UCHL5: variants seen among roughly 807,000 people sequenced by gnomAD.
UCHL5 encodes the protein ubiquitin carboxyl-terminal hydrolase isozyme L5.
In UCHL5, 34 loss-of-function variants were observed where a neutral mutation model predicts 53.8. That is an observed-to-expected ratio of 0.63 (90% confidence interval 0.48 to 0.84). UCHL5 has a LOEUF of 0.84. Among genes scored for constraint, UCHL5 ranks in the 40% least tolerant of loss-of-function variants. UCHL5 has a pLI of 0.00. For synonymous variants in UCHL5, 111 were observed against 126.3 expected (o/e 0.88, Z 0.81); for missense variants, 290 against 385.6 (o/e 0.75, Z 2.08).
intron 7 of UCHL5, among the ~76,000 whole-genome samples, chr1:193,024,504 A>T (rs1348076176): frequency 6.6e-6 from 1 of 150,504 alleles, no homozygotes; most frequent in Non-Finnish European, 1.5e-5. Context: ...GGTATTAACT[A>T]TGCTCCGTAT....
At chr1:193,033,717 T>C (rs1662358791) in intron 3 of UCHL5, among the ~76,000 whole-genome samples, 1 of 151,770 alleles carries the variant, frequency 6.6e-6, no homozygotes, top group African/African-American at 2.4e-5. Context: ...TAAAGAAAGA[T>C]ACACAGAAAA....
intron 3 of UCHL5, among the ~76,000 whole-genome samples, chr1:193,048,122 C>A (rs528934984): frequency 6.6e-6 from 1 of 152,184 alleles, no homozygotes; most frequent in South Asian, 2.1e-4. Context: ...AAATTGTTAG[C>A]TTTTTCCCTT....
intron 10 of UCHL5, among the ~76,000 whole-genome samples, chr1:193,019,473 A>G (rs1448648206): frequency 6.6e-6 from 1 of 151,724 alleles, no homozygotes. Context: ...TAGTTATTGC[A>G]TGTATATAAG....
At chr1:193,028,239 A>T in intron 6 of UCHL5, 91 bp from the exon 7 acceptor site, 1 of 1,111,802 alleles carries the variant, frequency 9.0e-7, no homozygotes, top group African/African-American at 1.6e-5. Flanking sequence ...ATTTTTTTAC[A>T]AATATTTTAA....
Position 193,023,935 on chromosome 1 carries a change from C to A in UCHL5, c.641G>T (p.Gly214Val), listed in dbSNP as rs751104681. The A allele has an allele frequency of 5.6e-6, 9 of 1,607,686 alleles. No homozygotes were observed. Among genetic ancestry groups the A allele is most frequent in the Admixed American group, 1.7e-5 (1 of 59,568 alleles). Residue 214 changes from glycine to valine, a missense_variant, in exon 8 of 11, where the codon GGT (glycine) becomes GTT (valine). By Grantham distance (109) the Gly-to-Val change is moderately radical. Transcript: ENST00000367454. ...GGCCATTAAATTAAATCGAATTTCA[C>A]CTTCACTGTACCTAGAAGAAAATTA... The part of the protein sequence containing the change: ...IEKRIQKYSE[G>V]EIRFNLMAIV...
chr1:193,019,306 A>T (rs1481540956), intron 10 of UCHL5, among the ~76,000 whole-genome samples: 3 of 151,700 alleles, frequency 2.0e-5, no homozygotes, highest in Non-Finnish European at 4.4e-5. Flanking sequence ...GAGTTGCTTA[A>T]GAGAAAATAA....
At chr1:193,022,451 G>A (rs1253322034) in intron 9 of UCHL5, among the ~76,000 whole-genome samples, 2 of 152,068 alleles carry the variant, frequency 1.3e-5, no homozygotes, top group South Asian at 4.1e-4. Flanking sequence ...CTTGAGGTCA[G>A]GAGTTCAAGA....
At chr1:193,022,770 C>T (rs1255555194) in intron 9 of UCHL5, among the ~76,000 whole-genome samples, 156 bp downstream of exon 9, 4 of 95,406 alleles carry the variant, frequency 4.2e-5, no homozygotes, top group Admixed American at 3.6e-4. Context: ...TGAAAGACAT[C>T]TCACTACTTA....
In UCHL5 at chr1:193,021,233, T is replaced by C. The variant is rs1018173442; in HGVS notation, c.844-38A>G. On this transcript the variant is annotated intron_variant, in intron 9 of 10. Transcript: ENST00000367454. ...CATCAATCCACACTAACTACATTTC[T>C]GCTAATTTTGATATTTTATTCTTTG... The C allele has an allele frequency of 3.0e-6, 4 of 1,335,596 alleles. No homozygotes were observed. In the African/African-American group the frequency reaches 4.3e-5, roughly 14 times the overall value. The allele number at this position is 1,335,596 out of a possible 1,614,324, so 82.7% of individuals were successfully genotyped here.
At chr1:193,058,241 A>T (rs145202414) in intron 1 of UCHL5, among the ~76,000 whole-genome samples, 14 of 152,232 alleles carry the variant, frequency 9.2e-5, no homozygotes, top group African/African-American at 3.1e-4. Flanking sequence ...AAAAAAAAGA[A>T]AATTTCCCAA....
intron 1 of UCHL5, among the ~76,000 whole-genome samples, chr1:193,055,272 C>T (rs1374652995): frequency 6.6e-6 from 1 of 152,092 alleles, no homozygotes; most frequent in Admixed American, 6.5e-5. Context: ...GATTTGCTGT[C>T]CAGGATAATA....
In UCHL5 at chr1:193,016,248, C is replaced by G; in HGVS notation, c.*103G>C. On this transcript the variant is annotated 3_prime_UTR_variant, in exon 11 of 11. Transcript: ENST00000367454. ...AAGACAGGCTGGCACTATTGCCAAA[C>G]GTGCACTGAGCCAATTAGGATGTTG... 1 of 1,342,576 alleles carries G rather than the reference C, an allele frequency of 7.4e-7. No individual in the cohort carries two copies. Among genetic ancestry groups the G allele is most frequent in the Non-Finnish European group, 1.0e-6 (1 of 969,050 alleles). 83.2% of individuals were successfully genotyped at this position (1,342,576 alleles called of 1,614,324 possible). A position where few individuals can be genotyped will look rare whatever the true frequency, so the allele number is the denominator to read the frequency against.
chr1:193,053,424 C>T (rs1454892662), intron 1 of UCHL5, among the ~76,000 whole-genome samples: 1 of 152,210 alleles, frequency 6.6e-6, no homozygotes, highest in Non-Finnish European at 1.5e-5. Context: ...AACAATCTCA[C>T]ATTAAACACA....
intron 3 of UCHL5, among the ~76,000 whole-genome samples, chr1:193,032,826 G>A (rs1661963022): frequency 6.6e-6 from 1 of 152,208 alleles, no homozygotes; most frequent in African/African-American, 2.4e-5. Context: ...ACCACAACAA[G>A]ATACCATCTC....
chr1:193,029,475 A>C (rs1020242082), intron 4 of UCHL5, 26 bp from the exon 5 acceptor site: 1 of 1,613,200 alleles, frequency 6.2e-7, no homozygotes, highest in Non-Finnish European at 8.5e-7. Flanking sequence ...AAAGTAGCCT[A>C]TTAATATACA....
chr1:193,059,826 G>A (rs780608063), upstream of UCHL5: 1 of 1,358,604 alleles, frequency 7.4e-7, no homozygotes, highest in Admixed American at 1.9e-5. This position sits in a 1 kb window ranked among gnomAD's most constrained non-coding sequence, Gnocchi z 4.9. Flanking sequence ...CGGCCCCAGG[G>A]ACGCGCAAAT....
At chr1:193,021,222 A>T (rs753448609) in intron 9 of UCHL5, 27 bp from the exon 10 acceptor site, 2 of 1,422,776 alleles carry the variant, frequency 1.4e-6, no homozygotes, top group Non-Finnish European at 2.0e-6. Context: ...AATCCACACT[A>T]ACTACATTTC....
intron 10 of UCHL5, chr1:193,020,284 A>G: frequency 6.5e-7 from 1 of 1,531,664 alleles, no homozygotes; most frequent in Non-Finnish European, 8.8e-7. Flanking sequence ...AAACTTTAAA[A>G]TTAATAAGGA....
In UCHL5 at chr1:193,028,065, G is replaced by C; in HGVS notation, c.629+20C>G. 5 of 1,599,226 alleles carry C rather than the reference G, an allele frequency of 3.1e-6. No homozygotes were observed. The highest frequency in any genetic ancestry group is 4.3e-6 in the Non-Finnish European group (5 of 1,176,382). The stretch of plus-strand genomic sequence containing the variant: ...TTAAAAAACAGAATATTATGCCAAT[G>C]AGATTAGCTGAGCATTTACTTTTGT... On this transcript the variant is annotated intron_variant, in intron 7 of 10. Coordinates refer to ENST00000367454, the MANE Select transcript of UCHL5 (RefSeq NM_001199261.3).
Sources: gnomAD v4.1 joint callset for allele counts (sites outside exome capture counted in the v4.1 genomes callset) on GRCh38, gnomAD v4.1.1 for gene constraint, Gnocchi (gnomAD v3.1) non-coding constraint, MANE v1.5 for transcripts, NCBI Gene and HGNC (gene_info 2026-07-23, HGNC 2026-07-21) for gene names.